Variants in ABHD2 observed in about 807,000 individuals in gnomAD.
ABHD2 encodes the protein abhydrolase domain containing 2, acylglycerol lipase.
In ABHD2, 20 loss-of-function variants were observed where a neutral mutation model predicts 48.1. The ratio of observed to expected loss-of-function variants is 0.42; its 90% CI spans 0.29 to 0.60. The LOEUF (loss-of-function observed/expected upper bound fraction) is 0.60. ABHD2 is among the 20% of genes least tolerant of loss of function. The probability of loss-of-function intolerance (pLI) is 0.24; values close to 1 mark genes in which losing one functional copy is unlikely to be tolerated. For synonymous variants in ABHD2, 209 were observed against 214.2 expected, an observed-to-expected ratio of 0.98 and a Z score of 0.21; for missense variants, 405 against 550.9, an observed-to-expected ratio of 0.74 and a Z score of 2.65.
At chr15:89,140,244 A>G (rs2050380731) in intron 3 of ABHD2, among the ~76,000 whole-genome samples, 1 of 152,188 alleles carries the variant, frequency 6.6e-6, no homozygotes, top group Non-Finnish European at 1.5e-5. Context: ...AGACCTGTGG[A>G]CCTGACATTT....
rs911281614 is a variant in ABHD2 at position 89,184,044 on chromosome 15, C to T, written c.723-1380C>T. On this transcript the variant is annotated intron_variant, in intron 6 of 10. Coordinates refer to ENST00000352732, the MANE Select transcript of ABHD2 (RefSeq NM_152924.5). The surrounding 1 kb of genome is among the most constrained non-coding windows in gnomAD (Gnocchi z 5.1). Reference sequence around the variant, plus strand: ...CCTGTAGTGCTTGGTTAGAGTCGGGCGGGGGTTGGCTGCACATTTATGCAG... The same window carrying T: ...CCTGTAGTGCTTGGTTAGAGTCGGGTGGGGGTTGGCTGCACATTTATGCAG... 3.9e-5 allele frequency among the ~76,000 whole-genome samples: 6 copies of T among 152,040 alleles called. No individual in the cohort carries two copies. Among genetic ancestry groups the T allele is most frequent in the African/African-American group, 1.2e-4 (5 of 41,398 alleles).
chr15:89,188,306 G>A lies in ABHD2; in HGVS notation c.926+3G>A, dbSNP rs1268245644. The A allele has an allele frequency of 6.8e-6, 11 of 1,613,886 alleles. No individual in the cohort carries two copies. The East Asian group carries it at 1.3e-4, about 20-fold the overall frequency. ...CAGATTGATGACAATGTGATGAGGT[G>A]TGTCCGCGCAGGCGGGAGAGGGACG... On this transcript the variant is annotated splice_donor_region_variant and intron_variant, in intron 8 of 10. Transcript: ENST00000352732. This position sits in a 1 kb window ranked among gnomAD's most constrained non-coding sequence, Gnocchi z 4.1.
At chr15:89,090,022 G>A (rs779990229) in intron 1 of ABHD2, among the ~76,000 whole-genome samples, 45 of 152,136 alleles carry the variant, frequency 3.0e-4, no homozygotes, top group Non-Finnish European at 5.9e-4. Context: ...TCACAGGGCT[G>A]GTTGGTCATC....
rs138322042 is a variant in ABHD2 at position 89,089,687 on chromosome 15, G to A, written c.-107+1124G>A. ...CTGTGCCCAGAGCTTTTCGAAGGCC[G>A]TTTCCTTACAGCCACATTAAGCAGA... is the stretch of plus-strand genomic sequence containing the variant. On this transcript the variant is annotated intron_variant, in intron 1 of 10. Coordinates refer to ENST00000352732, the MANE Select transcript of ABHD2 (RefSeq NM_152924.5). Among the ~76,000 whole-genome samples, 565 of 152,238 alleles carry A rather than the reference G, an allele frequency of 3.7e-3. 3 individuals are homozygous for A. The East Asian group carries it at 0.047, about 13-fold the overall frequency.
At chr15:89,065,272 C>G in the ABHD2 span, among the ~76,000 whole-genome samples, 1 of 152,154 alleles carries the variant, frequency 6.6e-6, no homozygotes, top group African/African-American at 2.4e-5. Flanking sequence ...GCCTCTACTC[C>G]CATCCACCCG....
At position 89,147,420 on chromosome 15, in the gene ABHD2, C is replaced by T. The variant is rs1026493543; in HGVS notation, c.195-4257C>T. Among the ~76,000 whole-genome samples, 7 of 135,918 alleles carry T rather than the reference C, an allele frequency of 5.2e-5. No individual in the cohort carries two copies. In the East Asian group the frequency reaches 1.5e-3, roughly 30 times the overall value. 89.2% of individuals were successfully genotyped at this position (135,918 alleles called of 152,430 possible). A position where few individuals can be genotyped will look rare whatever the true frequency, so the allele number is the denominator to read the frequency against. On this transcript the variant is annotated intron_variant, in intron 3 of 10. Coordinates refer to ENST00000352732, the MANE Select transcript of ABHD2 (RefSeq NM_152924.5). Reference sequence around the variant, plus strand: ...CCAGGCTGGAGTGCAGTGGCGCGATCTCTGCTCACTGCAAGCTCCGCCTCC... The same window carrying T: ...CCAGGCTGGAGTGCAGTGGCGCGATTTCTGCTCACTGCAAGCTCCGCCTCC...
chr15:89,190,286 G>C (rs1035188021), intron 8 of ABHD2, among the ~76,000 whole-genome samples: 1 of 152,150 alleles, frequency 6.6e-6, no homozygotes, highest in African/African-American at 2.4e-5. Context: ...AACCTTGAGG[G>C]GCCTCTGGGA....
At position 89,177,236 on chromosome 15, in the gene ABHD2, G is replaced by A. The variant is rs915629473; in HGVS notation, c.722+1241G>A. ...CTCATAGCACCGCTGAGAGTCAAAT[G>A]AGTTGATGCGTGTGAAGTGCTTAGA... is the stretch of plus-strand genomic sequence containing the variant. On this transcript the variant is annotated intron_variant, in intron 6 of 10. Transcript: ENST00000352732. The surrounding 1 kb of genome is among the most constrained non-coding windows in gnomAD (Gnocchi z 5.6). Among the ~76,000 whole-genome samples the A allele has an allele frequency of 6.6e-6, 1 of 152,198 alleles. No homozygotes were observed. Among genetic ancestry groups the A allele is most frequent in the Admixed American group, 6.5e-5 (1 of 15,286 alleles).
chr15:89,118,278 G>C (rs1355239464), intron 3 of ABHD2, among the ~76,000 whole-genome samples: 1 of 151,936 alleles, frequency 6.6e-6, no homozygotes, highest in African/African-American at 2.4e-5. Flanking sequence ...CTGCTTCCCA[G>C]GTTCAAGCGA....
intron 5 of ABHD2, among the ~76,000 whole-genome samples, chr15:89,158,634 T>C (rs1019797218): frequency 6.6e-6 from 1 of 152,190 alleles, no homozygotes; most frequent in African/African-American, 2.4e-5. Context: ...CAATTAAATG[T>C]GGGTTACTGA....
Position 89,116,245 on chromosome 15 carries a change from C to G in ABHD2, c.-6-77C>G. 1 of 1,372,906 alleles carries G rather than the reference C, an allele frequency of 7.3e-7. No homozygotes were observed. Among genetic ancestry groups the G allele is most frequent in the South Asian group, 1.4e-5 (1 of 73,932 alleles). 85.0% of individuals were successfully genotyped at this position (1,372,906 alleles called of 1,614,324 possible). A position where few individuals can be genotyped will look rare whatever the true frequency, so the allele number is the denominator to read the frequency against. On this transcript the variant is annotated intron_variant, in intron 2 of 10. Transcript: ENST00000352732. This position sits in a 1 kb window ranked among gnomAD's most constrained non-coding sequence, Gnocchi z 4.6. The stretch of plus-strand genomic sequence containing the variant: ...GTCACTGGCAGTATCTCTTAGCCCA[C>G]CATGCGTCTGTAGGGTGGTGGGCAC...
chr15:89,126,510 C>G (rs772522054), intron 3 of ABHD2, among the ~76,000 whole-genome samples: 4 of 152,186 alleles, frequency 2.6e-5, no homozygotes, highest in Non-Finnish European at 5.9e-5. Context: ...TTTACTGACC[C>G]TGTGAATTCA....
chr15:89,140,410 T>C (rs1297436124), intron 3 of ABHD2, among the ~76,000 whole-genome samples: 1 of 152,208 alleles, frequency 6.6e-6, no homozygotes, highest in Non-Finnish European at 1.5e-5. Flanking sequence ...TTCCTTCTTG[T>C]ACCTGATGCT....
At chr15:89,080,161 G>T in the ABHD2 span, among the ~76,000 whole-genome samples, 445 of 152,292 alleles carry the variant, frequency 2.9e-3, 2 homozygotes, top group African/African-American at 8.6e-3. Context: ...TCATAAAGCC[G>T]GATTGTCATC....
At chr15:89,049,057 G>A in the ABHD2 span, among the ~76,000 whole-genome samples, 3 of 152,084 alleles carry the variant, frequency 2.0e-5, no homozygotes, top group East Asian at 5.8e-4. Context: ...GTACAGATGG[G>A]TTTTTGGTGT....
At chr15:89,180,853 A>G (rs2051098668) in intron 6 of ABHD2, among the ~76,000 whole-genome samples, 1 of 152,242 alleles carries the variant, frequency 6.6e-6, no homozygotes, top group African/African-American at 2.4e-5. Flanking sequence ...AATTAATAAT[A>G]TACCAACTCA....
In ABHD2 at chr15:89,155,246, C is replaced by A; in HGVS notation, c.371-121C>A. 1 of 1,115,378 alleles carries A rather than the reference C, an allele frequency of 9.0e-7. No individual in the cohort carries two copies. Among genetic ancestry groups the A allele is most frequent in the Non-Finnish European group, 1.3e-6 (1 of 778,356 alleles). 69.1% of individuals were successfully genotyped at this position (1,115,378 alleles called of 1,614,324 possible). ...AAGGGAAAAATTCTTCCCCAGAGAACTGAGTGAAAGATGTATGTTGAATTC... is the reference window on the plus strand; with the variant it reads ...AAGGGAAAAATTCTTCCCCAGAGAAATGAGTGAAAGATGTATGTTGAATTC... On this transcript the variant is annotated intron_variant, in intron 4 of 10. Coordinates refer to ENST00000352732, the MANE Select transcript of ABHD2 (RefSeq NM_152924.5). The surrounding 1 kb of genome is among the most constrained non-coding windows in gnomAD (Gnocchi z 4.9).
intron 5 of ABHD2, among the ~76,000 whole-genome samples, chr15:89,158,065 G>A (rs2050703122): frequency 6.6e-6 from 1 of 152,000 alleles, no homozygotes; most frequent in South Asian, 2.1e-4. Flanking sequence ...TTGGCTGCAG[G>A]GCCAGGATGG....
intron 1 of ABHD2, among the ~76,000 whole-genome samples, chr15:89,110,665 C>A (rs548752148): frequency 2.7e-4 from 41 of 152,240 alleles, no homozygotes; most frequent in African/African-American, 9.1e-4. Context: ...CAGGGAGTAC[C>A]CCCAGGGACA....
Sources: allele counts gnomAD v4.1 joint callset (sites outside exome capture counted in the v4.1 genomes callset), GRCh38; gene constraint gnomAD v4.1.1; non-coding constraint Gnocchi (gnomAD v3.1); transcripts MANE v1.5; gene names NCBI Gene and HGNC (gene_info 2026-07-23, HGNC 2026-07-21).